The following IL1RAP variants were observed in gnomAD, a reference collection of about 807,000 sequenced individuals.
The protein encoded by IL1RAP is interleukin-1 receptor accessory protein.
In IL1RAP, 35 loss-of-function variants were observed where a neutral mutation model predicts 60.7. The ratio of observed to expected loss-of-function variants is 0.58; its 90% CI spans 0.44 to 0.76. IL1RAP has a LOEUF of 0.76. IL1RAP is among the 30% of genes least tolerant of loss of function. IL1RAP has a pLI of 0.00. For synonymous variants in IL1RAP, 268 were observed against 250.9 expected, an observed-to-expected ratio of 1.07 and a Z score of -0.64; for missense variants, 572 against 693.9, an observed-to-expected ratio of 0.82 and a Z score of 1.97.
intron 5 of IL1RAP, among the ~76,000 whole-genome samples, chr3:190,613,186 ATGTCT>A (rs1730969901): frequency 1.3e-5 from 1 of 79,942 alleles, no homozygotes. Context: ...AAGCTATGTA[ATGTCT>A]TACTCTGCAT....
intron 1 of IL1RAP, among the ~76,000 whole-genome samples, chr3:190,543,511 G>A (rs1724118463): frequency 6.6e-6 from 1 of 152,124 alleles, no homozygotes; most frequent in African/African-American, 2.4e-5. Flanking sequence ...AGACTATATG[G>A]GAAGCATAGC....
In IL1RAP at chr3:190,599,451, T is replaced by A. The variant is rs142809548; in HGVS notation, c.65-4677T>A. ...AGTTTCCAGTCTTGTGTTTGGGAGT[T>A]CCCAAACCATTCTCATTCCTAATAT... On this transcript the variant is annotated intron_variant, in intron 3 of 11. Coordinates refer to ENST00000447382, the MANE Select transcript of IL1RAP (RefSeq NM_002182.4). Among the ~76,000 whole-genome samples the A allele has an allele frequency of 7.3e-3, 1,115 of 152,068 alleles. 3 individuals carry two copies. The highest frequency in any genetic ancestry group is 0.013 in the Non-Finnish European group (910 of 67,944).
chr3:190,640,253 C>CT, intron 9 of IL1RAP, among the ~76,000 whole-genome samples: 1 of 152,284 alleles, frequency 6.6e-6, no homozygotes, highest in Admixed American at 6.5e-5. Flanking sequence ...GCATTTACCT[C>CT]TTTTTTGTCT....
At chr3:190,655,558 CGTGTGTGTGTGTGTGTGTGTGTGTGT>C (rs34341875), downstream of IL1RAP, among the ~76,000 whole-genome samples, 2 of 131,080 alleles carry the variant, frequency 1.5e-5, no homozygotes, top group African/African-American at 2.8e-5. Flanking sequence ...AATTGCCCAC[CGTGTGTGTGTGTGTGTGTGTGTGTGT>C]GTGTGTGTGT....
chr3:190,554,458 G>A (rs1011140099), intron 1 of IL1RAP, among the ~76,000 whole-genome samples: 1 of 152,060 alleles, frequency 6.6e-6, no homozygotes, highest in African/African-American at 2.4e-5. Flanking sequence ...GTTCTCCTGG[G>A]GACCCTTTAT....
chr3:190,538,158 CT>C (rs1264639456), intron 1 of IL1RAP, among the ~76,000 whole-genome samples: 1 of 152,152 alleles, frequency 6.6e-6, no homozygotes, highest in Non-Finnish European at 1.5e-5. Flanking sequence ...TCACTGCTCA[CT>C]TGGCATCCAC....
intron 3 of IL1RAP, among the ~76,000 whole-genome samples, chr3:190,602,798 A>G (rs910955991): frequency 6.6e-6 from 1 of 152,160 alleles, no homozygotes; most frequent in Non-Finnish European, 1.5e-5. Context: ...AAACGTAGGG[A>G]AGATTACAGA....
At chr3:190,592,775 GA>G (rs1438193079) in intron 3 of IL1RAP, among the ~76,000 whole-genome samples, 1 of 152,188 alleles carries the variant, frequency 6.6e-6, no homozygotes, top group Non-Finnish European at 1.5e-5. Context: ...TTATAATTCT[GA>G]ATTTAAACTT....
chr3:190,529,685 AG>A (rs1722818868), intron 1 of IL1RAP, among the ~76,000 whole-genome samples: 1 of 98,596 alleles, frequency 1.0e-5, no homozygotes. Context: ...CTGTCTCAAA[AG>A]AAAAAAAAAA....
At chr3:190,554,866 G>A (rs775075102) in intron 1 of IL1RAP, among the ~76,000 whole-genome samples, 33 of 151,918 alleles carry the variant, frequency 2.2e-4, no homozygotes, top group Admixed American at 3.9e-4. Flanking sequence ...ATAAAGTAGG[G>A]GCTTAATAAA....
chr3:190,582,772 C>T (rs1048130779), intron 3 of IL1RAP, among the ~76,000 whole-genome samples: 5 of 152,164 alleles, frequency 3.3e-5, no homozygotes, highest in African/African-American at 1.2e-4. Context: ...GAATATGTCC[C>T]ATTATTCTTA....
intron 3 of IL1RAP, among the ~76,000 whole-genome samples, chr3:190,573,011 C>G (rs370211429): frequency 4.2e-5 from 4 of 94,162 alleles, no homozygotes; most frequent in East Asian, 2.2e-4. Flanking sequence ...CTACAGGCGC[C>G]CGCCACCACG....
chr3:190,651,354 AAC>A lies in IL1RAP; in HGVS notation c.*2651_*2652del. 1.4e-5 allele frequency: 12 copies of A among 876,986 alleles called. No individual in the cohort carries two copies. Among genetic ancestry groups the A allele is most frequent in the Non-Finnish European group, 1.6e-5 (12 of 731,234 alleles). 54.3% of individuals were successfully genotyped at this position (876,986 alleles called of 1,614,324 possible). On this transcript the variant is annotated 3_prime_UTR_variant, in exon 12 of 12. Coordinates refer to ENST00000447382, the MANE Select transcript of IL1RAP (RefSeq NM_002182.4). ...AAAAAATCACTTCATTGTATTTGGAAACAAAAACATCATTCATTAATTACTTA... is the reference window on the plus strand; with the variant it reads ...AAAAAATCACTTCATTGTATTTGGAAAAAAACATCATTCATTAATTACTTA...
At chr3:190,575,142 A>AGGTT (rs1270248499) in intron 3 of IL1RAP, among the ~76,000 whole-genome samples, 15 of 152,172 alleles carry the variant, frequency 9.9e-5, no homozygotes, top group African/African-American at 3.6e-4. Context: ...ACATTTAGGG[A>AGGTT]GGTTGGTCCT....
chr3:190,611,667 G>A (rs747095401), intron 5 of IL1RAP, among the ~76,000 whole-genome samples: 20 of 152,188 alleles, frequency 1.3e-4, no homozygotes, highest in Admixed American at 1.3e-4. Context: ...CGTGACGAAG[G>A]CCTTCAGGAG....
intron 3 of IL1RAP, among the ~76,000 whole-genome samples, chr3:190,570,901 A>G (rs948582437): frequency 2.0e-5 from 3 of 152,062 alleles, no homozygotes; most frequent in African/African-American, 7.2e-5. Context: ...GTTCATTTTG[A>G]TATGTGCACC....
intron 4 of IL1RAP, among the ~76,000 whole-genome samples, chr3:190,608,566 G>A (rs1327080547): frequency 6.6e-6 from 1 of 152,074 alleles, no homozygotes; most frequent in African/African-American, 2.4e-5. Flanking sequence ...GTTTATACCA[G>A]CATCACCAAA....
chr3:190,600,373 A>G (rs1299727802), intron 3 of IL1RAP, among the ~76,000 whole-genome samples: 1 of 152,218 alleles, frequency 6.6e-6, no homozygotes, highest in African/African-American at 2.4e-5. Flanking sequence ...GGAACAAAGC[A>G]TGTAACTTTT....
At chr3:190,655,748 GAC>G, downstream of IL1RAP, 2 of 645,182 alleles carry the variant, frequency 3.1e-6, no homozygotes, top group South Asian at 4.2e-5. Context: ...AGATTTTTTT[GAC>G]TGGGTAAATT....
Sources: allele counts gnomAD v4.1 joint callset (sites outside exome capture counted in the v4.1 genomes callset), GRCh38; gene constraint gnomAD v4.1.1; transcripts MANE v1.5; gene names NCBI Gene and HGNC (gene_info 2026-07-23, HGNC 2026-07-21).